Variants in GMDS observed in about 807,000 individuals in gnomAD.
GMDS encodes the protein GDP-mannose 4,6-dehydratase, also known as GDP-mannose 4,6 dehydratase.
GMDS carries 20 observed loss-of-function variants against 49.9 expected under a neutral mutation model. The ratio of observed to expected loss-of-function variants is 0.40; its 90% CI spans 0.28 to 0.58. The LOEUF (loss-of-function observed/expected upper bound fraction) is 0.58. GMDS is among the 20% of genes least tolerant of loss of function. GMDS has a pLI of 0.42. For missense variants in GMDS, 362 were observed against 481.4 expected, an observed-to-expected ratio of 0.75 and a Z score of 2.32; for synonymous variants, 177 against 178.6, an observed-to-expected ratio of 0.99 and a Z score of 0.07.
At chr6:1,835,951 C>T (rs1235062669) in intron 7 of GMDS, among the ~76,000 whole-genome samples, 2 of 152,140 alleles carry the variant, frequency 1.3e-5, no homozygotes, top group Admixed American at 6.5e-5. Context: ...GTAGCGCTAT[C>T]TGTAGCGCTC....
chr6:1,806,593 A>C (rs1770188410), intron 7 of GMDS, among the ~76,000 whole-genome samples: 1 of 152,190 alleles, frequency 6.6e-6, no homozygotes, highest in Non-Finnish European at 1.5e-5. Context: ...TTTGACACCA[A>C]AACCGTCTGT....
intron 1 of GMDS, among the ~76,000 whole-genome samples, chr6:2,220,274 G>A (rs532490145): frequency 2.6e-5 from 4 of 152,220 alleles, no homozygotes; most frequent in South Asian, 2.1e-4. Flanking sequence ...ATACAGGTAC[G>A]GTAACCTTTT....
chr6:1,647,779 G>T (rs62390645), intron 9 of GMDS, among the ~76,000 whole-genome samples: 2 of 152,112 alleles, frequency 1.3e-5, no homozygotes, highest in Non-Finnish European at 2.9e-5. Flanking sequence ...TTCTCAGGCC[G>T]GAGTGGGGGA....
At chr6:2,218,434 G>C (rs1258899452) in intron 1 of GMDS, among the ~76,000 whole-genome samples, 1 of 152,124 alleles carries the variant, frequency 6.6e-6, no homozygotes, top group Non-Finnish European at 1.5e-5. Flanking sequence ...TGAAAAATTA[G>C]GACAAACCAG....
At chr6:2,006,588 C>T (rs1767195593) in intron 4 of GMDS, among the ~76,000 whole-genome samples, 1 of 152,112 alleles carries the variant, frequency 6.6e-6, no homozygotes, top group African/African-American at 2.4e-5. Flanking sequence ...TCTAGGAAAA[C>T]CTACAAATTA....
chr6:1,775,702 G>C (rs1364989300), intron 7 of GMDS, among the ~76,000 whole-genome samples: 1 of 152,206 alleles, frequency 6.6e-6, no homozygotes, highest in African/African-American at 2.4e-5. Flanking sequence ...CCATGTTGCT[G>C]TGAAATGCAA....
chr6:2,125,247 G>A (rs1775354951), intron 1 of GMDS, among the ~76,000 whole-genome samples: 1 of 151,562 alleles, frequency 6.6e-6, no homozygotes, highest in Admixed American at 6.6e-5. Flanking sequence ...AGAATAGCCT[G>A]AGCAACACAG....
intron 6 of GMDS, among the ~76,000 whole-genome samples, chr6:1,958,202 AG>A (rs1263455123): frequency 8.6e-5 from 13 of 151,372 alleles, no homozygotes; most frequent in Admixed American, 7.9e-4. Flanking sequence ...AGAGAGAATT[AG>A]GGGGAGTTAT....
chr6:2,172,553 C>A (rs567233935), intron 1 of GMDS, among the ~76,000 whole-genome samples: 17 of 152,198 alleles, frequency 1.1e-4, no homozygotes, highest in Admixed American at 3.9e-4. Context: ...ATTAGCCAGG[C>A]ATGGTGGTGG....
chr6:1,631,083 C>T (rs939814987), intron 9 of GMDS, among the ~76,000 whole-genome samples: 3 of 152,244 alleles, frequency 2.0e-5, no homozygotes, highest in East Asian at 1.9e-4. Context: ...GGAGATAAAG[C>T]GCCTTTGAGT....
intron 1 of GMDS, among the ~76,000 whole-genome samples, chr6:2,162,659 AACACACACACACACACACACAC>A (rs67198377): frequency 0.079 from 10,729 of 135,832 alleles, 1,300 homozygotes; most frequent in African/African-American, 0.26. Context: ...ATAACATTCC[AACACACACACACACACACACAC>A]ACACACACAC....
At chr6:1,844,025 T>C (rs910010740) in intron 7 of GMDS, among the ~76,000 whole-genome samples, 23 of 152,312 alleles carry the variant, frequency 1.5e-4, no homozygotes, top group African/African-American at 5.5e-4. Context: ...GCGCTTTCAA[T>C]GTGAGGATAT....
intron 4 of GMDS, among the ~76,000 whole-genome samples, chr6:2,051,974 G>A (rs945153278): frequency 4.0e-5 from 6 of 151,866 alleles, no homozygotes; most frequent in East Asian, 1.9e-4. Context: ...AAAATTAGTC[G>A]GGCGTGGTGG....
intron 4 of GMDS, among the ~76,000 whole-genome samples, chr6:2,096,448 C>T (rs1036061794): frequency 6.6e-6 from 1 of 152,070 alleles, no homozygotes; most frequent in Middle Eastern, 3.2e-3. Context: ...TTAAGCACAA[C>T]CTAGTCAGGG....
intron 7 of GMDS, among the ~76,000 whole-genome samples, chr6:1,747,941 C>T (rs7759335): frequency 0.014 from 2,065 of 151,088 alleles, 24 homozygotes; most frequent in Non-Finnish European, 0.022. Context: ...CGTTACTGAA[C>T]AGAAAAAAAA....
chr6:1,996,872 T>A (rs920288508), intron 4 of GMDS, among the ~76,000 whole-genome samples: 2 of 152,082 alleles, frequency 1.3e-5, no homozygotes, highest in Non-Finnish European at 1.5e-5. Flanking sequence ...AAAACAGAAA[T>A]TGACAGACAA....
intron 6 of GMDS, among the ~76,000 whole-genome samples, chr6:1,958,746 T>C (rs901096909): frequency 1.3e-5 from 2 of 152,208 alleles, no homozygotes; most frequent in Non-Finnish European, 2.9e-5. Context: ...ATATGCTTAC[T>C]AGTTGTTGGT....
At chr6:2,071,464 GAACA>G (rs373867177) in intron 4 of GMDS, among the ~76,000 whole-genome samples, 33 of 151,866 alleles carry the variant, frequency 2.2e-4, no homozygotes, top group African/African-American at 8.0e-4. Context: ...AATTTCTTGA[GAACA>G]AAGACAATGC....
intron 4 of GMDS, among the ~76,000 whole-genome samples, chr6:2,076,100 G>T (rs1040810262): frequency 6.6e-6 from 1 of 152,038 alleles, no homozygotes; most frequent in Non-Finnish European, 1.5e-5. Flanking sequence ...TTGTTGATGG[G>T]GTTGTTTTTT....
Sources: allele counts gnomAD v4.1 joint callset (sites outside exome capture counted in the v4.1 genomes callset), GRCh38; gene constraint gnomAD v4.1.1; transcripts MANE v1.5; gene names NCBI Gene and HGNC (gene_info 2026-07-23, HGNC 2026-07-21).